LINGO2: variants seen among roughly 807,000 people sequenced by gnomAD.
LINGO2 encodes leucine-rich repeat and immunoglobulin-like domain-containing nogo receptor-interacting protein 2.
Under a neutral mutation model 30.6 loss-of-function variants are expected in LINGO2, and 14 were observed. That is an observed-to-expected ratio of 0.46 (90% CI 0.30 to 0.72). The LOEUF (loss-of-function observed/expected upper bound fraction) is 0.72, where lower values mean the gene tolerates loss of function less well. LINGO2 is among the 30% of genes least tolerant of loss of function. The probability of loss-of-function intolerance (pLI) is 0.07; values close to 1 mark genes in which losing one functional copy is unlikely to be tolerated. For missense variants in LINGO2, 729 were observed against 751.7 expected, an observed-to-expected ratio of 0.97 and a Z score of 0.35; for synonymous variants, 317 against 288.5, an observed-to-expected ratio of 1.10 and a Z score of -1.00.
chr9:28,996,790 G>T, the LINGO2 span, among the ~76,000 whole-genome samples: 1 of 151,986 alleles, frequency 6.6e-6, no homozygotes, highest in Non-Finnish European at 1.5e-5. Flanking sequence ...TTATATTTTA[G>T]ATTAAAATGT....
chr9:28,800,285 CA>C, the LINGO2 span, among the ~76,000 whole-genome samples: 31 of 152,130 alleles, frequency 2.0e-4, no homozygotes, highest in Non-Finnish European at 2.6e-4. Flanking sequence ...TTTTCTTTCA[CA>C]AAAATGGAGA....
chr9:28,396,467 G>A (rs1822045224), intron 2 of LINGO2, among the ~76,000 whole-genome samples: 2 of 152,040 alleles, frequency 1.3e-5, no homozygotes, highest in South Asian at 4.1e-4. Context: ...CACTTTGGGA[G>A]GCCGAGGCAG....
chr9:29,154,894 C>G, the LINGO2 span, among the ~76,000 whole-genome samples: 1 of 152,156 alleles, frequency 6.6e-6, no homozygotes, highest in South Asian at 2.1e-4. Context: ...AAATCCACAT[C>G]TTCAGAGTTA....
At chr9:28,804,735 A>T in the LINGO2 span, among the ~76,000 whole-genome samples, 2 of 152,218 alleles carry the variant, frequency 1.3e-5, no homozygotes, top group South Asian at 4.1e-4. Flanking sequence ...TAAATCATTA[A>T]GTGGGTCAGT....
At chr9:28,419,040 A>G (rs1030028294) in intron 2 of LINGO2, among the ~76,000 whole-genome samples, 2 of 152,152 alleles carry the variant, frequency 1.3e-5, no homozygotes, top group African/African-American at 4.8e-5. Flanking sequence ...ACATTTCCAG[A>G]GTAAATCCCT....
At chr9:28,841,583 AAGTATAT>A in the LINGO2 span, among the ~76,000 whole-genome samples, 1 of 151,936 alleles carries the variant, frequency 6.6e-6, no homozygotes, top group South Asian at 2.1e-4. Flanking sequence ...CAATTAAATA[AAGTATAT>A]AGTATACCAG....
chr9:28,828,289 G>A, the LINGO2 span, among the ~76,000 whole-genome samples: 3 of 151,588 alleles, frequency 2.0e-5, no homozygotes, highest in Admixed American at 2.0e-4. Context: ...GGTTTTAAAA[G>A]CACAAAATAA....
chr9:28,517,001 C>G lies in LINGO2; in HGVS notation c.-364-40976G>C, dbSNP rs114697867. Among the ~76,000 whole-genome samples, 802 of 152,288 alleles carry G rather than the reference C, an allele frequency of 5.3e-3. 8 individuals are homozygous for G. The highest frequency in any genetic ancestry group is 0.018 in the African/African-American group (747 of 41,544). On this transcript the variant is annotated intron_variant, in intron 1 of 5. Transcript: ENST00000379992. ...TTGTCAGCATGGATCTGTGGCAATA[C>G]ATACAACTTGGTTTTCAAGGTGCTG... is the stretch of plus-strand genomic sequence containing the variant.
chr9:28,640,823 A>G (rs1313560705), intron 1 of LINGO2, among the ~76,000 whole-genome samples: 1 of 151,838 alleles, frequency 6.6e-6, no homozygotes, highest in Non-Finnish European at 1.5e-5. Context: ...TCTTCTCTCA[A>G]CTCGTCAAAG....
intron 2 of LINGO2, among the ~76,000 whole-genome samples, chr9:28,397,737 C>T (rs111368260): frequency 0.11 from 16,837 of 151,698 alleles, 1,248 homozygotes; most frequent in Admixed American, 0.18. Flanking sequence ...TTAGTAGAGA[C>T]GGGGTTTCAC....
At chr9:27,960,008 A>G (rs1342369748) in intron 5 of LINGO2, among the ~76,000 whole-genome samples, 1 of 152,112 alleles carries the variant, frequency 6.6e-6, no homozygotes, top group Non-Finnish European at 1.5e-5. Context: ...GGAAGAATCC[A>G]TATTTGTATC....
chr9:28,450,382 A>T (rs1824602125), intron 2 of LINGO2, among the ~76,000 whole-genome samples: 1 of 152,066 alleles, frequency 6.6e-6, no homozygotes, highest in Admixed American at 6.6e-5. Context: ...ACAAATCATC[A>T]CAGTTTTAAA....
At chr9:28,639,325 G>A (rs1827451489) in intron 1 of LINGO2, among the ~76,000 whole-genome samples, 1 of 152,190 alleles carries the variant, frequency 6.6e-6, no homozygotes, top group Non-Finnish European at 1.5e-5. Flanking sequence ...TTCTGTAGAT[G>A]TCTATTAGGT....
In LINGO2 at chr9:28,562,987, C is replaced by G. The variant is rs117217038; in HGVS notation, c.-364-86962G>C. Among the ~76,000 whole-genome samples the G allele has an allele frequency of 6.5e-3, 992 of 152,122 alleles. 28 individuals are homozygous for G. The highest frequency in any genetic ancestry group is 0.064 in the East Asian group (333 of 5,168). Reference sequence around the variant, plus strand: ...TCAGCCTCCCAAGTAGTGGGGACAACAGGCGCATGCGACCACGCCCTGCTA... The same window carrying G: ...TCAGCCTCCCAAGTAGTGGGGACAAGAGGCGCATGCGACCACGCCCTGCTA... On this transcript the variant is annotated intron_variant, in intron 1 of 5. Coordinates refer to ENST00000379992, the Ensembl canonical transcript of LINGO2.
At chr9:28,786,778 G>A in the LINGO2 span, among the ~76,000 whole-genome samples, 1 of 152,116 alleles carries the variant, frequency 6.6e-6, no homozygotes, top group South Asian at 2.1e-4. Context: ...AAGAAGAACT[G>A]AAATAACAGA....
chr9:28,611,867 C>G (rs773523290), intron 1 of LINGO2, among the ~76,000 whole-genome samples: 2 of 151,832 alleles, frequency 1.3e-5, no homozygotes, highest in Non-Finnish European at 2.9e-5. Context: ...GTCGCCCAGG[C>G]TGGAGTGCAG....
chr9:28,471,187 A>G lies in LINGO2; in HGVS notation c.-279+4753T>C, dbSNP rs146705946. On this transcript the variant is annotated intron_variant, in intron 2 of 5. Coordinates refer to ENST00000379992, the Ensembl canonical transcript of LINGO2. Reference sequence around the variant, plus strand: ...TGCTAAAATAGAATACCTGAGACTGAGCAATTTGTAAAGAAAATAAGTTTA... The same window carrying G: ...TGCTAAAATAGAATACCTGAGACTGGGCAATTTGTAAAGAAAATAAGTTTA... 1.2e-3 allele frequency among the ~76,000 whole-genome samples: 190 copies of G among 152,268 alleles called. 2 individuals are homozygous for G. The highest frequency in any genetic ancestry group is 4.4e-3 in the African/African-American group (183 of 41,562).
chr9:28,031,163 C>G (rs539964059), intron 4 of LINGO2, among the ~76,000 whole-genome samples: 2 of 152,052 alleles, frequency 1.3e-5, no homozygotes, highest in African/African-American at 4.8e-5. Context: ...ATGGGAGAAA[C>G]ACTCATCTTC....
intron 1 of LINGO2, among the ~76,000 whole-genome samples, chr9:28,630,144 T>C (rs4879255): frequency 6.6e-6 from 1 of 152,024 alleles, no homozygotes; most frequent in South Asian, 2.1e-4. Flanking sequence ...TGCACCAGCA[T>C]GGCACATGTA....
Sources: allele counts gnomAD v4.1 joint callset (sites outside exome capture counted in the v4.1 genomes callset), GRCh38; gene constraint gnomAD v4.1.1; transcripts MANE v1.5; gene names NCBI Gene and HGNC (gene_info 2026-07-23, HGNC 2026-07-21).